Variants in FBXO48 observed in about 807,000 individuals in gnomAD.
The protein encoded by FBXO48 is F-box protein 48.
Under a neutral mutation model 14.3 loss-of-function variants are expected in FBXO48, and 12 were observed. The ratio of observed to expected loss-of-function variants is 0.84; its 90% CI spans 0.54 to 1.36. The LOEUF (loss-of-function observed/expected upper bound fraction) is 1.36, where lower values mean the gene tolerates loss of function less well. FBXO48 is among the 40% of genes most tolerant of loss of function. FBXO48 has a pLI of 0.00. For missense variants in FBXO48, 177 were observed against 179.1 expected, an observed-to-expected ratio of 0.99 and a Z score of 0.07; for synonymous variants, 53 against 61.7, an observed-to-expected ratio of 0.86 and a Z score of 0.66.
intron 2 of FBXO48, 124 bp from the exon 3 acceptor site, chr2:68,465,302 T>C: frequency 4.9e-6 from 3 of 611,056 alleles, no homozygotes; most frequent in Non-Finnish European, 8.6e-6. Context: ...ATCTGTAAAA[T>C]GGGCCAATGC....
chr2:68,465,084 A>C lies in FBXO48; in HGVS notation c.62T>G (p.Val21Gly), dbSNP rs761253378. ...CTCATTTTTTTCCTTCTCAGCATCCACAGAGTTCGCTTCTGTGTGAGAAAC... is the reference window on the plus strand; with the variant it reads ...CTCATTTTTTTCCTTCTCAGCATCCCCAGAGTTCGCTTCTGTGTGAGAAAC... ...LRVSHTEANS[V>G]DAEKEKNESQ... is the part of the protein sequence containing the mutation. The change falls in exon 3 of 4, where the codon GTG becomes GGG. Residue 21 changes from valine to glycine, a missense_variant. Transcript: ENST00000377957. 1.2e-5 allele frequency: 20 copies of C among 1,613,252 alleles called. No individual in the cohort carries two copies. The highest frequency in any genetic ancestry group is 1.7e-5 in the Non-Finnish European group (20 of 1,179,608).
chr2:68,464,822 C>A lies in FBXO48; in HGVS notation c.306+18G>T. ...TAACGCTGTCAACAACACTGCAGAT[C>A]GCAAAGATTAAACTTACCCTCCAGG... On this transcript the variant is annotated intron_variant, in intron 3 of 3. Coordinates refer to ENST00000377957, the MANE Select transcript of FBXO48 (RefSeq NM_001024680.3). The A allele has an allele frequency of 2.5e-6, 4 of 1,583,540 alleles. No individual in the cohort carries two copies. The highest frequency in any genetic ancestry group is 3.5e-6 in the Non-Finnish European group (4 of 1,159,280).
At position 68,463,615 on chromosome 2, in the gene FBXO48, C is replaced by G. The variant is rs892280309; in HGVS notation, c.*594G>C. On this transcript the variant is annotated 3_prime_UTR_variant, in exon 4 of 4. Coordinates refer to ENST00000377957, the MANE Select transcript of FBXO48 (RefSeq NM_001024680.3). ...AGGTTTATATAAAATTAATGGGAAT[C>G]TCAATTGGACAAACTTTAGCCCTGA... 2 of 152,118 alleles carry G rather than the reference C, an allele frequency of 1.3e-5. No homozygotes were observed. The highest frequency in any genetic ancestry group is 2.9e-5 in the Non-Finnish European group (2 of 68,042). 9.4% of individuals were successfully genotyped at this position (152,118 alleles called of 1,614,324 possible).
rs1295754634 is a variant in FBXO48, at chr2:68,463,973, G to A, written c.*236C>T. 2 of 404,982 alleles carry A rather than the reference G, an allele frequency of 4.9e-6. No individual in the cohort carries two copies. Among genetic ancestry groups the A allele is most frequent in the African/African-American group, 4.0e-5 (2 of 50,124 alleles). The allele number at this position is 404,982 out of a possible 1,614,324, so 25.1% of individuals were successfully genotyped here. ...ATTGTATTTGGAAATCACTCTATCAGTATATTATTTCTTATAAAAATAACA... is the reference window on the plus strand; with the variant it reads ...ATTGTATTTGGAAATCACTCTATCAATATATTATTTCTTATAAAAATAACA... On this transcript the variant is annotated 3_prime_UTR_variant, in exon 4 of 4. Coordinates refer to ENST00000377957, the MANE Select transcript of FBXO48 (RefSeq NM_001024680.3).
Position 68,461,284 on chromosome 2 carries a change from T to TTCATCAGCAAAGAGGAAAGGGC in FBXO48, c.*2924_*2925insGCCCTTTCCTCTTTGCTGATGA, listed in dbSNP as rs1325753859. 4.1e-5 allele frequency: 6 copies of TTCATCAGCAAAGAGGAAAGGGC among 145,336 alleles called. No individual in the cohort carries two copies. The highest frequency in any genetic ancestry group is 1.4e-4 in the African/African-American group (5 of 35,608). The allele number at this position is 145,336 out of a possible 1,614,324, so 9.0% of individuals were successfully genotyped here. A position where few individuals can be genotyped will look rare whatever the true frequency, so the allele number is the denominator to read the frequency against. On this transcript the variant is annotated 3_prime_UTR_variant, in exon 4 of 4. Coordinates refer to ENST00000377957, the MANE Select transcript of FBXO48 (RefSeq NM_001024680.3). ...TCTCTTACTTAAGATCCGTTTTCGT[T>TTCATCAGCAAAGAGGAAAGGGC]TTCTTTTTTTTTTTTTTTTTTTTGA...
At chr2:68,464,811 A>G (rs1675357501) in intron 3 of FBXO48, 29 bp downstream of exon 3, 1 of 1,551,582 alleles carries the variant, frequency 6.4e-7, no homozygotes, top group South Asian at 1.1e-5. Context: ...GCTGTCAACA[A>G]CACTGCAGAT....
chr2:68,460,966 C>T lies in FBXO48; in HGVS notation c.*3243G>A, dbSNP rs1675246766. The T allele has an allele frequency of 6.6e-6, 1 of 152,184 alleles. No homozygotes were observed. Among genetic ancestry groups the T allele is most frequent in the African/African-American group, 2.4e-5 (1 of 41,442 alleles). 9.4% of individuals were successfully genotyped at this position (152,184 alleles called of 1,614,324 possible). A position where few individuals can be genotyped will look rare whatever the true frequency, so the allele number is the denominator to read the frequency against. ...TCCAGTGGATTTAGACATTAAGTCA[C>T]TTGTAATTTGGATACCAACAGTTTC... is the stretch of plus-strand genomic sequence containing the variant. On this transcript the variant is annotated 3_prime_UTR_variant, in exon 4 of 4. Transcript: ENST00000377957.
Position 68,461,864 on chromosome 2 carries a change from C to G in FBXO48, c.*2345G>C, listed in dbSNP as rs1392842670. 1 of 151,626 alleles carries G rather than the reference C, an allele frequency of 6.6e-6. No individual in the cohort carries two copies. The highest frequency in any genetic ancestry group is 2.4e-5 in the African/African-American group (1 of 41,250). The allele number at this position is 151,626 out of a possible 1,614,324, so 9.4% of individuals were successfully genotyped here. ...TCAGGAGGCCAAGATGGTGAAACCC[C>G]GTTTCTACTAAAAATACAAAAATTA... On this transcript the variant is annotated 3_prime_UTR_variant, in exon 4 of 4. Transcript: ENST00000377957.
chr2:68,462,753 G>C lies in FBXO48; in HGVS notation c.*1456C>G, dbSNP rs1675299900. 1 of 152,250 alleles carries C rather than the reference G, an allele frequency of 6.6e-6. No homozygotes were observed. Among genetic ancestry groups the C allele is most frequent in the Non-Finnish European group, 1.5e-5 (1 of 68,054 alleles). 9.4% of individuals were successfully genotyped at this position (152,250 alleles called of 1,614,324 possible). A position where few individuals can be genotyped will look rare whatever the true frequency, so the allele number is the denominator to read the frequency against. ...TCAGTGGAATTGGAGAGAAGACATA[G>C]GAAGAGACAGGCTATCAGTCTTCAA... On this transcript the variant is annotated 3_prime_UTR_variant, in exon 4 of 4. Transcript: ENST00000377957.
In FBXO48 at chr2:68,464,937, C is replaced by T. The variant is rs775414637; in HGVS notation, c.209G>A (p.Arg70Lys). The T allele has an allele frequency of 1.2e-6, 2 of 1,613,854 alleles. No homozygotes were observed. Among genetic ancestry groups the T allele is most frequent in the Admixed American group, 3.3e-5 (2 of 59,996 alleles). Residue 70 changes from arginine to lysine, a missense_variant, in exon 3 of 4, where the codon AGA (arginine) becomes AAA (lysine). Transcript: ENST00000377957. ...LTCRSWNDTI[R>K]NSDSLWKPHC... ...AGGTTTCCATAAAGAGTCACTGTTT[C>T]TTATTGTGTCATTCCAGCTCCTGCA...
Position 68,463,303 on chromosome 2 carries a change from T to C in FBXO48, c.*906A>G, listed in dbSNP as rs967692684. 3.3e-5 allele frequency: 5 copies of C among 152,080 alleles called. No homozygotes were observed. The highest frequency in any genetic ancestry group is 7.4e-5 in the Non-Finnish European group (5 of 68,004). The allele number at this position is 152,080 out of a possible 1,614,324, so 9.4% of individuals were successfully genotyped here. A position where few individuals can be genotyped will look rare whatever the true frequency, so the allele number is the denominator to read the frequency against. ...TAGTGAGTAGCATATAATCTGTTTT[T>C]ATGAAAAAAGAGAAACAAAAGTTTT... On this transcript the variant is annotated 3_prime_UTR_variant, in exon 4 of 4. Coordinates refer to ENST00000377957, the MANE Select transcript of FBXO48 (RefSeq NM_001024680.3).
intron 3 of FBXO48, 47 bp downstream of exon 3, chr2:68,464,793 A>G (rs374687975): frequency 2.8e-5 from 40 of 1,437,578 alleles, no homozygotes; most frequent in East Asian, 2.1e-4. Context: ...CAAACCTGCT[A>G]TCATAACGCT....
intron 2 of FBXO48, 92 bp from the exon 3 acceptor site, chr2:68,465,270 C>CAAGAA: frequency 1.5e-6 from 1 of 673,868 alleles, no homozygotes; most frequent in Non-Finnish European, 2.5e-6. Context: ...TTTAAGAACT[C>CAAGAA]TTTCTTGACT....
chr2:68,459,875 A>G lies in FBXO48; in HGVS notation c.*4334T>C, dbSNP rs1351345919. On this transcript the variant is annotated 3_prime_UTR_variant, in exon 4 of 4. Transcript: ENST00000377957. The stretch of plus-strand genomic sequence containing the variant: ...TCTAAAAAGTCACTTAATCCAGAAC[A>G]GTAGAAGTTATGGATTGTTTCCAGG... 5 of 152,236 alleles carry G rather than the reference A, an allele frequency of 3.3e-5. No homozygotes were observed. The highest frequency in any genetic ancestry group is 7.3e-5 in the Non-Finnish European group (5 of 68,032). The allele number at this position is 152,236 out of a possible 1,614,324, so 9.4% of individuals were successfully genotyped here.
chr2:68,459,735 T>C lies in FBXO48; in HGVS notation c.*4474A>G, dbSNP rs1675223200. On this transcript the variant is annotated 3_prime_UTR_variant, in exon 4 of 4. Transcript: ENST00000377957. ...TGAAGACACAAAAATAAATAAAAAA[T>C]GGTCCCTGCCATTAAGAAGTTCACA... 1 of 152,116 alleles carries C rather than the reference T, an allele frequency of 6.6e-6. No homozygotes were observed. The highest frequency in any genetic ancestry group is 1.5e-5 in the Non-Finnish European group (1 of 68,014). 9.4% of individuals were successfully genotyped at this position (152,116 alleles called of 1,614,324 possible).
intron 2 of FBXO48, 44 bp from the exon 3 acceptor site, chr2:68,465,222 A>T: frequency 1.0e-6 from 1 of 971,554 alleles, no homozygotes; most frequent in Non-Finnish European, 1.5e-6. Flanking sequence ...AAATAGGAGT[A>T]TAAATCCTAC....
chr2:68,464,307 T>C lies in FBXO48; in HGVS notation c.370A>G (p.Ser124Gly). Reference sequence around the variant, plus strand: ...AGGCTAATGGGAGAACAAATGTTGCTGTATCTGCCACTTAGCCATTCGTGT... The same window carrying C: ...AGGCTAATGGGAGAACAAATGTTGCCGTATCTGCCACTTAGCCATTCGTGT... ...VKHEWLSGRY[S>G]NICSPISLPE... The change falls in exon 4 of 4, where the codon AGC (serine) becomes GGC (glycine). Residue 124 changes from serine to glycine, a missense_variant. Transcript: ENST00000377957. 6.2e-7 allele frequency: 1 copy of C among 1,613,928 alleles called. No homozygotes were observed.
Position 68,466,787 on chromosome 2 carries a change from T to C in FBXO48, c.-360-317A>G, listed in dbSNP as rs1041124080. On this transcript the variant is annotated intron_variant, in intron 1 of 3. Transcript: ENST00000377957. ...TTTCTAAAATCCCACTAGGAATCTT[T>C]CTTCTACGTCCAGGTTCGCCTGGAT... 5.3e-5 allele frequency among the ~76,000 whole-genome samples: 8 copies of C among 152,322 alleles called. No homozygotes were observed. The South Asian group carries it at 1.7e-3, about 32-fold the overall frequency.
intron 3 of FBXO48, 76 bp downstream of exon 3, chr2:68,464,764 G>T: frequency 1.9e-6 from 2 of 1,079,952 alleles, no homozygotes; most frequent in Non-Finnish European, 2.7e-6. Flanking sequence ...ACTCCTCCAA[G>T]CAGAAGTTAG....
Sources: allele counts gnomAD v4.1 joint callset (sites outside exome capture counted in the v4.1 genomes callset), GRCh38; gene constraint gnomAD v4.1.1; transcripts MANE v1.5; gene names NCBI Gene and HGNC (gene_info 2026-07-23, HGNC 2026-07-21).